The following INO80 variants were observed in gnomAD, a reference collection of about 807,000 sequenced individuals.
INO80 encodes the protein INO80 complex ATPase subunit.
A neutral mutation model predicts 203.4 loss-of-function variants in INO80; 20 were observed. The ratio of observed to expected loss-of-function variants is 0.10; its 90% CI spans 0.07 to 0.14. INO80 has a LOEUF of 0.14. Ranked by LOEUF, INO80 falls within the 10% of genes least tolerant of loss-of-function variation. The pLI is 1.00. For synonymous variants in INO80, 726 were observed against 685.2 expected, an observed-to-expected ratio of 1.06 and a Z score of -0.93; for missense variants, 1,419 against 1,914.4, an observed-to-expected ratio of 0.74 and a Z score of 4.83.
At chr15:41,001,623 G>C (rs930582888) in intron 28 of INO80, among the ~76,000 whole-genome samples, 3 of 152,234 alleles carry the variant, frequency 2.0e-5, no homozygotes, top group African/African-American at 7.2e-5. Context: ...AAGCACCACA[G>C]AGCAAAGACC....
rs771356698 is a variant in INO80 at position 41,003,329 on chromosome 15, C to CTTTTTTTTTTTTTTTTTTTTTTTTT, written c.3497+2263_3497+2264insAAAAAAAAAAAAAAAAAAAAAAAAA. Among the ~76,000 whole-genome samples, 10 of 107,576 alleles carry CTTTTTTTTTTTTTTTTTTTTTTTTT rather than the reference C, an allele frequency of 9.3e-5. 5 individuals are homozygous for CTTTTTTTTTTTTTTTTTTTTTTTTT. Among genetic ancestry groups the CTTTTTTTTTTTTTTTTTTTTTTTTT allele is most frequent in the Non-Finnish European group, 1.5e-4 (8 of 53,386 alleles). The allele number at this position is 107,576 out of a possible 152,430, so 70.6% of individuals were successfully genotyped here. A position where few individuals can be genotyped will look rare whatever the true frequency, so the allele number is the denominator to read the frequency against. On this transcript the variant is annotated intron_variant, in intron 28 of 35. Coordinates refer to ENST00000648947, the MANE Select transcript of INO80 (RefSeq NM_017553.3). ...TGGGATTGTGGGTGATTTTTCTTTT[C>CTTTTTTTTTTTTTTTTTTTTTTTTT]TTTTCTTTTTTTTTTTTTTGAGATG... is the stretch of plus-strand genomic sequence containing the variant.
chr15:41,015,315 C>G (rs552063766), intron 27 of INO80, among the ~76,000 whole-genome samples: 313 of 152,286 alleles, frequency 2.1e-3, no homozygotes, highest in African/African-American at 7.0e-3. Context: ...ATAAGAATCT[C>G]TGGAAATAGG....
At chr15:41,061,028 C>T (rs59405359) in intron 14 of INO80, among the ~76,000 whole-genome samples, 17,680 of 152,112 alleles carry the variant, frequency 0.12, 3,183 homozygotes, top group African/African-American at 0.39. Flanking sequence ...GACTTTTGGC[C>T]AGGAGTAGTG....
Position 41,074,389 on chromosome 15 carries a change from G to A in INO80, c.1308C>T (p.Asn436=). 4.3e-6 allele frequency: 7 copies of A among 1,612,092 alleles called. No homozygotes were observed. The highest frequency in any genetic ancestry group is 5.9e-6 in the Non-Finnish European group (7 of 1,179,252). ...ACTCACCATAATCCTCCTGTGTGAT[G>A]TTAACTACCACTCCTCCACCTATAT... is the stretch of plus-strand genomic sequence containing the variant. ...QIDIGGGVVV[N]ITQEDYDSNH... Residue 436 remains asparagine, a synonymous_variant, in exon 10 of 36, where the codon AAC becomes AAT. Transcript: ENST00000648947.
intron 5 of INO80, among the ~76,000 whole-genome samples, chr15:41,090,835 TC>T (rs1412515296): frequency 7.1e-6 from 1 of 141,406 alleles, no homozygotes; most frequent in Non-Finnish European, 1.6e-5. Flanking sequence ...AAATGATGTA[TC>T]TTTTTTTTTT....
chr15:41,011,546 A>G (rs2044133202), intron 27 of INO80: 1 of 152,210 alleles, frequency 6.6e-6, no homozygotes, highest in African/African-American at 2.4e-5. Flanking sequence ...AAGACCTAAT[A>G]AGAACTCTAG....
chr15:40,990,331 A>G (rs2043799907), intron 29 of INO80, among the ~76,000 whole-genome samples: 1 of 152,190 alleles, frequency 6.6e-6, no homozygotes, highest in East Asian at 1.9e-4. Flanking sequence ...TATTTGAAAG[A>G]GTGAGTCATC....
chr15:41,037,125 A>T (rs1000785177), intron 24 of INO80, among the ~76,000 whole-genome samples: 6 of 145,812 alleles, frequency 4.1e-5, no homozygotes, highest in Non-Finnish European at 9.0e-5. Flanking sequence ...AAAACAAAAC[A>T]AAAACTAAAA....
chr15:41,049,507 C>A, intron 20 of INO80, 87 bp from the exon 21 acceptor site: 5 of 1,229,648 alleles, frequency 4.1e-6, no homozygotes, highest in Non-Finnish European at 4.7e-6. Flanking sequence ...AAATGTTTAC[C>A]TTTGGGAATG....
At chr15:41,072,942 G>A (rs1171253820) in intron 11 of INO80, among the ~76,000 whole-genome samples, 5 of 151,600 alleles carry the variant, frequency 3.3e-5, no homozygotes, top group African/African-American at 7.3e-5. Flanking sequence ...CGCCACCCCC[G>A]GCTAATTTTT....
intron 9 of INO80, among the ~76,000 whole-genome samples, chr15:41,077,562 T>C (rs1018648283): frequency 2.0e-5 from 3 of 152,100 alleles, no homozygotes; most frequent in Middle Eastern, 3.2e-3. Context: ...ATCAAGAAAA[T>C]CTTTGTTTTT....
intron 5 of INO80, 129 bp downstream of exon 5, chr15:41,091,898 C>T (rs553804206): frequency 1.2e-5 from 8 of 644,414 alleles, no homozygotes; most frequent in African/African-American, 7.1e-5. Flanking sequence ...ATGATCCGCC[C>T]GCCTCGTCCT....
intron 29 of INO80, among the ~76,000 whole-genome samples, chr15:40,990,845 T>A (rs914640438): frequency 1.3e-5 from 2 of 152,182 alleles, no homozygotes; most frequent in Non-Finnish European, 1.5e-5. Context: ...ACTTGCCCAG[T>A]GTATTTTTTT....
intron 7 of INO80, among the ~76,000 whole-genome samples, chr15:41,084,360 G>A (rs1226496492): frequency 6.6e-6 from 1 of 152,084 alleles, no homozygotes; most frequent in Non-Finnish European, 1.5e-5. Context: ...AAGAGTTCGA[G>A]ACCAGCCTGG....
chr15:40,982,340 G>T (rs1299377451), intron 35 of INO80, among the ~76,000 whole-genome samples: 1 of 152,092 alleles, frequency 6.6e-6, no homozygotes, highest in Non-Finnish European at 1.5e-5. Flanking sequence ...GTAGAGACAG[G>T]GTTTCCTCAT....
rs558189122 is a variant in INO80 at position 41,102,739 on chromosome 15, G to A, written c.-43-6386C>T. Among the ~76,000 whole-genome samples the A allele has an allele frequency of 2.7e-3, 410 of 152,244 alleles. 3 individuals carry two copies. Among genetic ancestry groups the A allele is most frequent in the South Asian group, 0.013 (62 of 4,828 alleles). On this transcript the variant is annotated intron_variant, in intron 1 of 35. Coordinates refer to ENST00000648947, the MANE Select transcript of INO80 (RefSeq NM_017553.3). Reference sequence around the variant, plus strand: ...GGAGAGTTGGGTCTGATACAGTTGAGAACCATGCTCTCTGATAACCACTGT... The same window carrying A: ...GGAGAGTTGGGTCTGATACAGTTGAAAACCATGCTCTCTGATAACCACTGT...
chr15:41,064,339 A>T (rs777632228), intron 14 of INO80, among the ~76,000 whole-genome samples: 4 of 152,202 alleles, frequency 2.6e-5, no homozygotes, highest in Non-Finnish European at 4.4e-5. Flanking sequence ...AACAAACAAG[A>T]CATCTAGACA....
At chr15:41,060,907 C>G (rs755347381) in intron 14 of INO80, among the ~76,000 whole-genome samples, 2 of 152,134 alleles carry the variant, frequency 1.3e-5, no homozygotes, top group African/African-American at 2.4e-5. Context: ...TCTGGCATAG[C>G]ATTAAAAAAT....
At chr15:41,112,033 T>C (rs1275006119) in intron 1 of INO80, among the ~76,000 whole-genome samples, 1 of 152,074 alleles carries the variant, frequency 6.6e-6, no homozygotes, top group East Asian at 1.9e-4. Context: ...GCTTTCCAAG[T>C]AGCTGAACTA....
Sources: allele counts gnomAD v4.1 joint callset (sites outside exome capture counted in the v4.1 genomes callset), GRCh38; gene constraint gnomAD v4.1.1; transcripts MANE v1.5; gene names NCBI Gene and HGNC (gene_info 2026-07-23, HGNC 2026-07-21).